The following PMPCA variants were observed in gnomAD, a reference collection of about 807,000 sequenced individuals.
PMPCA encodes the protein mitochondrial-processing peptidase subunit alpha.
Under a neutral mutation model 59.3 loss-of-function variants are expected in PMPCA, and 47 were observed. The observed-to-expected ratio is 0.79, with a 90% CI of 0.63 to 1.01. PMPCA has a LOEUF of 1.01. PMPCA is among the 50% of genes least tolerant of loss of function. The pLI is 0.00. For missense variants in PMPCA, 726 were observed against 704.5 expected (o/e 1.03, Z -0.34); for synonymous variants, 338 against 290.3 (o/e 1.16, Z -1.67).
rs751724139 is a variant in PMPCA, at chr9:136,423,658, C to G, written c.*394C>G. 1 of 200,706 alleles carries G rather than the reference C, an allele frequency of 5.0e-6. No individual in the cohort carries two copies. The highest frequency in any genetic ancestry group is 5.2e-5 in the Admixed American group (1 of 19,240). 12.4% of individuals were successfully genotyped at this position (200,706 alleles called of 1,614,324 possible). On this transcript the variant is annotated 3_prime_UTR_variant, in exon 13 of 13. Coordinates refer to ENST00000371717, the MANE Select transcript of PMPCA (RefSeq NM_015160.3). ...CCACCGTGCTGGGTACCAGGACTCA[C>G]CTCTGACAAGCAGGAGAAGGTAAGG...
In PMPCA at chr9:136,417,109, G is replaced by A; in HGVS notation, c.792G>A (p.Val264=). The change falls in exon 7 of 13, where the codon GTG becomes GTA. Residue 264 remains valine, a synonymous_variant. Coordinates refer to ENST00000371717, the MANE Select transcript of PMPCA (RefSeq NM_015160.3). ...AGVGVEHEHL[V]DCARKYLLGV... ...TGGGCGTGGAGCACGAGCATCTGGT[G>A]GACTGTGCCCGGAAGTACCTCCTGG... The A allele has an allele frequency of 6.2e-7, 1 of 1,613,898 alleles. No homozygotes were observed. Among genetic ancestry groups the A allele is most frequent in the African/African-American group, 1.3e-5 (1 of 75,060 alleles).
At position 136,422,119 on chromosome 9, in the gene PMPCA, CA is replaced by C. The variant is rs2131596460; in HGVS notation, c.1408+144del. 2.6e-6 allele frequency: 4 copies of C among 1,544,402 alleles called. No homozygotes were observed. In the East Asian group the frequency reaches 7.4e-5, roughly 29 times the overall value. On this transcript the variant is annotated intron_variant, in intron 12 of 12. Coordinates refer to ENST00000371717, the MANE Select transcript of PMPCA (RefSeq NM_015160.3). ...TGGGGCCTTCACCAGTTGTCCTCAG[CA>C]GGGGCGGCCAAGGGCAGGGTCGTGG...
chr9:136,416,600 G>A, intron 6 of PMPCA: 1 of 632,216 alleles, frequency 1.6e-6, no homozygotes, highest in South Asian at 1.8e-5. Context: ...TCCTGCCTCT[G>A]CCTCCCAAGT....
chr9:136,418,625 G>A lies in PMPCA; in HGVS notation c.1061G>A (p.Gly354Glu), dbSNP rs1355468386. The change falls in exon 9 of 13, where the codon GGG becomes GAG. Residue 354 changes from glycine to glutamate, a missense_variant. Physicochemically the swap from Gly to Glu is moderately conservative, Grantham distance 98 (BLOSUM62 -2). Transcript: ENST00000371717. ...GGAGGTGGCTCCTTCTCGGCTGGTG[G>A]GCCCGGCAAGGGCATGTTCTCCAGG... Reference protein sequence around the residue: ...MGGGGSFSAGGPGKGMFSRLY... With the variant: ...MGGGGSFSAGEPGKGMFSRLY... 6.2e-7 allele frequency: 1 copy of A among 1,613,918 alleles called. No homozygotes were observed.
intron 12 of PMPCA, 24 bp downstream of exon 12, chr9:136,422,000 G>A: frequency 6.3e-7 from 1 of 1,593,814 alleles, no homozygotes; most frequent in East Asian, 2.3e-5. Context: ...GGGTAGTGAG[G>A]GGCTGCCGCA....
chr9:136,410,744 G>C lies in PMPCA; in HGVS notation c.71+5G>C. On this transcript the variant is annotated splice_donor_5th_base_variant and intron_variant, in intron 1 of 12. Coordinates refer to ENST00000371717, the MANE Select transcript of PMPCA (RefSeq NM_015160.3). ...TTGGGGCTGTTCGCGGCTGAGGTGA[G>C]CCAAAGGCGAACCAGGCTTCGGCCT... 1 of 1,408,280 alleles carries C rather than the reference G, an allele frequency of 7.1e-7. No homozygotes were observed. Among genetic ancestry groups the C allele is most frequent in the African/African-American group, 1.5e-5 (1 of 67,336 alleles). The allele number at this position is 1,408,280 out of a possible 1,614,324, so 87.2% of individuals were successfully genotyped here. A position where few individuals can be genotyped will look rare whatever the true frequency, so the allele number is the denominator to read the frequency against.
intron 5 of PMPCA, 134 bp downstream of exon 5, chr9:136,414,781 G>T: frequency 3.2e-6 from 2 of 627,136 alleles, no homozygotes; most frequent in Non-Finnish European, 5.8e-6. Flanking sequence ...GTGACAGCGA[G>T]ATCTCATAAG....
At chr9:136,418,443 C>T (rs941574827) in intron 8 of PMPCA, 112 bp from the exon 9 acceptor site, 3 of 749,054 alleles carry the variant, frequency 4.0e-6, no homozygotes, top group Middle Eastern at 3.8e-4. Flanking sequence ...TCCAGCGGCG[C>T]TCCTGACGTG....
chr9:136,416,521 T>A, intron 6 of PMPCA, 130 bp downstream of exon 6: 1 of 730,652 alleles, frequency 1.4e-6, no homozygotes, highest in Non-Finnish European at 2.4e-6. Context: ...ATTTTTTTGT[T>A]TTTTGAGATG....
chr9:136,418,715 G>A, intron 9 of PMPCA, 42 bp downstream of exon 9: 1 of 1,525,224 alleles, frequency 6.6e-7, no homozygotes, highest in South Asian at 1.1e-5. Flanking sequence ...CACCAGGCCA[G>A]GCCAGGTGTG....
chr9:136,423,216 G>C lies in PMPCA; in HGVS notation c.1530G>C (p.Leu510=). The change falls in exon 13 of 13, where the codon CTG becomes CTC. Residue 510 remains leucine (L), a synonymous_variant. Transcript: ENST00000371717. Reference sequence around the variant, plus strand: ...CGTATGAGCACATCCAGACCGCCCTGTCGAGTAAGGACGGGCGCCTGCCCA... The same window carrying C: ...CGTATGAGCACATCCAGACCGCCCTCTCGAGTAAGGACGGGCGCCTGCCCA... ...LPTYEHIQTA[L]SSKDGRLPRT... 6.2e-7 allele frequency: 1 copy of C among 1,613,618 alleles called. No individual in the cohort carries two copies. The highest frequency in any genetic ancestry group is 1.3e-5 in the African/African-American group (1 of 75,058).
At position 136,418,251 on chromosome 9, in the gene PMPCA, C is replaced by A. The variant is rs542574762; in HGVS notation, c.990+142C>A. ...CAGCTCTGCCCTCTGTCCCTGGCAT[C>A]CAGCAATGCTCCTGATGCAGTGTGG... On this transcript the variant is annotated intron_variant, in intron 8 of 12. Transcript: ENST00000371717. 9 of 695,634 alleles carry A rather than the reference C, an allele frequency of 1.3e-5. No individual in the cohort carries two copies. The Admixed American group carries it at 1.9e-4, about 15-fold the overall frequency. 43.1% of individuals were successfully genotyped at this position (695,634 alleles called of 1,614,324 possible).
At chr9:136,418,764 CCA>C in intron 9 of PMPCA, 62 bp from the exon 10 acceptor site, 1 of 1,516,706 alleles carries the variant, frequency 6.6e-7, no homozygotes, top group South Asian at 1.1e-5. Flanking sequence ...TGACTTTTCT[CCA>C]GTTTCCCATG....
chr9:136,416,649 G>A (rs1835284321), intron 6 of PMPCA: 1 of 597,312 alleles, frequency 1.7e-6, no homozygotes, highest in Non-Finnish European at 3.0e-6. Context: ...ACTCAGCTTA[G>A]AACATTCTTG....
intron 6 of PMPCA, 147 bp from the exon 7 acceptor site, chr9:136,416,804 C>T (rs921853922): frequency 6.1e-6 from 4 of 652,646 alleles, no homozygotes; most frequent in African/African-American, 5.5e-5. Context: ...AATACGCACG[C>T]AGCTGCTATT....
rs778649107 is a variant in PMPCA, at chr9:136,412,811, C to A, written c.356C>A (p.Ser119Tyr). ...GGTTTCCTTATTTATTTTTACTAGT[C>A]TACTGCTCGATTTGACAGCAAAGAT... Reference protein sequence around the residue: ...AHFLEKLAFSSTARFDSKDEI... With the variant: ...AHFLEKLAFSYTARFDSKDEI... The change falls in exon 4 of 13, where the codon TCT (serine) becomes TAT (tyrosine). Residue 119 changes from serine to tyrosine, a missense_variant and splice_region_variant. Transcript: ENST00000371717. The A allele has an allele frequency of 6.3e-7, 1 of 1,579,728 alleles. No individual in the cohort carries two copies. Among genetic ancestry groups the A allele is most frequent in the Non-Finnish European group, 8.7e-7 (1 of 1,148,852 alleles).
intron 1 of PMPCA, chr9:136,411,249 C>A (rs1401975325): frequency 6.5e-6 from 1 of 154,744 alleles, no homozygotes; most frequent in Non-Finnish European, 1.4e-5. Context: ...GGCGTCGCCC[C>A]TCCCCACACA....
At chr9:136,418,945 C>T in intron 10 of PMPCA, 27 bp downstream of exon 10, 1 of 1,606,550 alleles carries the variant, frequency 6.2e-7, no homozygotes, top group Non-Finnish European at 8.5e-7. Context: ...CCACCGTCCT[C>T]AGTGCGGTTG....
chr9:136,411,995 A>G lies in PMPCA; in HGVS notation c.72-2A>G. 1.3e-6 allele frequency: 2 copies of G among 1,597,914 alleles called. No individual in the cohort carries two copies. Among genetic ancestry groups the G allele is most frequent in the Non-Finnish European group, 1.7e-6 (2 of 1,166,146 alleles). ...GTAACTGGGCCGCTTTCTCTGTTTT[A>G]GGTTTGGACCTCCTGCGTACAGACG... On this transcript the variant is annotated splice_acceptor_variant, in intron 1 of 12. Transcript: ENST00000371717. LOFTEE classifies it high-confidence loss of function.
Sources: allele counts gnomAD v4.1 joint callset, GRCh38; gene constraint gnomAD v4.1.1; transcripts MANE v1.5; gene names NCBI Gene and HGNC (gene_info 2026-07-23, HGNC 2026-07-21).